KIAA0586: variants seen among roughly 807,000 people sequenced by gnomAD.
KIAA0586 encodes KIAA0586.
Under a neutral mutation model 169.8 loss-of-function variants are expected in KIAA0586, and 144 were observed. That is an observed-to-expected ratio of 0.85 (90% CI 0.74 to 0.97). KIAA0586 has a LOEUF of 0.97. Among genes scored for constraint, KIAA0586 ranks in the 50% least tolerant of loss-of-function variants. The pLI is 0.00. For synonymous variants in KIAA0586, 625 were observed against 612.4 expected, an observed-to-expected ratio of 1.02 and a Z score of -0.30; for missense variants, 1,854 against 1,823.0, an observed-to-expected ratio of 1.02 and a Z score of -0.31.
At chr14:58,458,083 T>A (rs1391315368) in intron 11 of KIAA0586, 104 bp downstream of exon 11, 1 of 741,668 alleles carries the variant, frequency 1.3e-6, no homozygotes. Flanking sequence ...TTCATATTTT[T>A]AAAAGGTTCT....
intron 4 of KIAA0586, chr14:58,440,120 C>T: frequency 2.5e-6 from 1 of 405,268 alleles, no homozygotes; most frequent in South Asian, 1.7e-5. Flanking sequence ...TGGGCTCAAG[C>T]AGTCTTCCTG....
chr14:58,521,146 G>A lies in KIAA0586; in HGVS notation c.4429+8519G>A, dbSNP rs1460648762. The stretch of plus-strand genomic sequence containing the variant: ...GGAGTCTCAGAATCGAATCTCTTCT[G>A]CCTGCTCACTTCTGTGAGATTTTTT... On this transcript the variant is annotated intron_variant, in intron 29 of 30. Transcript: ENST00000652326. The A allele has an allele frequency of 5.4e-6, 3 of 558,618 alleles. No individual in the cohort carries two copies. In the African/African-American group the frequency reaches 5.8e-5, roughly 11 times the overall value. 34.6% of individuals were successfully genotyped at this position (558,618 alleles called of 1,614,324 possible). A position where few individuals can be genotyped will look rare whatever the true frequency, so the allele number is the denominator to read the frequency against.
At chr14:58,478,432 A>G (rs1358227818) in intron 20 of KIAA0586, among the ~76,000 whole-genome samples, 4 of 152,144 alleles carry the variant, frequency 2.6e-5, no homozygotes, top group Non-Finnish European at 5.9e-5. Context: ...GCAGTGAGCC[A>G]AGGTCACGTC....
In KIAA0586 at chr14:58,427,984, T is replaced by A; in HGVS notation, c.-281T>A. Reference sequence around the variant, plus strand: ...CCAGCTCTGGGGTTGGGGAGTGCACTGTTATGGTTATTGTTGCTCCTGTGG... The same window carrying A: ...CCAGCTCTGGGGTTGGGGAGTGCACAGTTATGGTTATTGTTGCTCCTGTGG... On this transcript the variant is annotated 5_prime_UTR_variant, in exon 1 of 31. Coordinates refer to ENST00000652326, the MANE Select transcript of KIAA0586 (RefSeq NM_001329943.3). 1 of 1,421,720 alleles carries A rather than the reference T, an allele frequency of 7.0e-7. No individual in the cohort carries two copies. The highest frequency in any genetic ancestry group is 1.5e-5 in the South Asian group (1 of 64,806). 88.1% of individuals were successfully genotyped at this position (1,421,720 alleles called of 1,614,324 possible). A position where few individuals can be genotyped will look rare whatever the true frequency, so the allele number is the denominator to read the frequency against.
At chr14:58,484,920 A>ATT (rs2042324490) in intron 21 of KIAA0586, among the ~76,000 whole-genome samples, 1 of 22,188 alleles carries the variant, frequency 4.5e-5, no homozygotes, top group Admixed American at 9.0e-4. Flanking sequence ...ATATATATAT[A>ATT]TATATTTTTT....
At chr14:58,480,346 TAAA>T (rs35326005) in intron 20 of KIAA0586, among the ~76,000 whole-genome samples, 443 of 146,236 alleles carry the variant, frequency 3.0e-3, no homozygotes, top group Admixed American at 3.6e-3. Flanking sequence ...CTTCCTCTTT[TAAA>T]AAAAAAAAAA....
intron 21 of KIAA0586, among the ~76,000 whole-genome samples, chr14:58,484,924 A>ATATAT (rs1566877360): frequency 1.5e-4 from 2 of 13,052 alleles, no homozygotes; most frequent in African/African-American, 6.1e-4. Flanking sequence ...ATATATATAT[A>ATATAT]TTTTTTTTTT....
At chr14:58,545,895 A>G (rs2046951924) in intron 30 of KIAA0586, among the ~76,000 whole-genome samples, 1 of 151,986 alleles carries the variant, frequency 6.6e-6, no homozygotes, top group Non-Finnish European at 1.5e-5. Flanking sequence ...TTAGCCAGGC[A>G]TGGTGGTACA....
chr14:58,494,127 T>C (rs1056171211), intron 26 of KIAA0586, among the ~76,000 whole-genome samples: 3 of 151,894 alleles, frequency 2.0e-5, no homozygotes, highest in Admixed American at 6.6e-5. Flanking sequence ...CTTTCATTTT[T>C]CCCCCCTCTC....
chr14:58,487,835 A>T (rs1282011735), intron 22 of KIAA0586, 52 bp from the exon 23 acceptor site: 6 of 1,177,438 alleles, frequency 5.1e-6, no homozygotes, highest in Admixed American at 4.1e-5. Flanking sequence ...CATCCTATGG[A>T]GTTCTTTACT....
intron 29 of KIAA0586, chr14:58,521,418 G>A (rs1456620467): frequency 2.1e-5 from 17 of 801,872 alleles, no homozygotes; most frequent in South Asian, 4.0e-5. Flanking sequence ...TGCCCGGGCC[G>A]CTGTAGGTGG....
At chr14:58,461,655 G>A (rs1243161712) in intron 14 of KIAA0586, among the ~76,000 whole-genome samples, 5 of 152,208 alleles carry the variant, frequency 3.3e-5, no homozygotes, top group African/African-American at 1.2e-4. Context: ...CACAGTGGGT[G>A]ATGATGAATC....
chr14:58,548,066 A>G lies in KIAA0586; in HGVS notation c.*134A>G. ...AAAAATTCCAATATTTTAAAATAAA[A>G]CAAAAAGCATAATTTGGGTATTTAA... On this transcript the variant is annotated 3_prime_UTR_variant, in exon 31 of 31. Coordinates refer to ENST00000652326, the MANE Select transcript of KIAA0586 (RefSeq NM_001329943.3). 1 of 1,067,276 alleles carries G rather than the reference A, an allele frequency of 9.4e-7. No homozygotes were observed. Among genetic ancestry groups the G allele is most frequent in the East Asian group, 2.7e-5 (1 of 37,316 alleles). 66.1% of individuals were successfully genotyped at this position (1,067,276 alleles called of 1,614,324 possible).
chr14:58,484,917 TATATATA>T (rs1371512375), intron 21 of KIAA0586, among the ~76,000 whole-genome samples: 7 of 37,850 alleles, frequency 1.8e-4, no homozygotes, highest in African/African-American at 6.7e-4. Context: ...TATATATATA[TATATATA>T]TTTTTTTTTT....
intron 29 of KIAA0586, among the ~76,000 whole-genome samples, chr14:58,519,668 A>G (rs1434088748): frequency 6.6e-6 from 1 of 152,218 alleles, no homozygotes; most frequent in African/African-American, 2.4e-5. Flanking sequence ...TAATATTCCA[A>G]AGAAAGTGAT....
chr14:58,431,085 G>C (rs2037328756), intron 3 of KIAA0586, among the ~76,000 whole-genome samples: 1 of 152,098 alleles, frequency 6.6e-6, no homozygotes, highest in South Asian at 2.1e-4. Context: ...CTTAAGGGTA[G>C]AATTTATTTT....
At position 58,484,924 on chromosome 14, in the gene KIAA0586, A is replaced by ATTTTT. The variant is rs58851367; in HGVS notation, c.3145-2060_3145-2056dup. Among the ~76,000 whole-genome samples, 11 of 13,052 alleles carry ATTTTT rather than the reference A, an allele frequency of 8.4e-4. 3 individuals are homozygous for ATTTTT. Among genetic ancestry groups the ATTTTT allele is most frequent in the African/African-American group, 1.2e-3 (4 of 3,258 alleles). The allele number at this position is 13,052 out of a possible 152,430, so 8.6% of individuals were successfully genotyped here. ...TATATATATATATATATATATATAT[A>ATTTTT]TTTTTTTTTTTTTTTTTTTTTTTTT... On this transcript the variant is annotated intron_variant, in intron 21 of 30. Coordinates refer to ENST00000652326, the MANE Select transcript of KIAA0586 (RefSeq NM_001329943.3).
At chr14:58,451,779 G>A (rs546242694) in intron 8 of KIAA0586, among the ~76,000 whole-genome samples, 26 of 152,080 alleles carry the variant, frequency 1.7e-4, no homozygotes, top group African/African-American at 6.0e-4. Context: ...CGCCTCCTAG[G>A]TTCAAGCGAT....
chr14:58,485,884 A>T (rs552624726), intron 21 of KIAA0586, among the ~76,000 whole-genome samples: 1 of 152,288 alleles, frequency 6.6e-6, no homozygotes, highest in African/African-American at 2.4e-5. Context: ...ATCACTTAAA[A>T]TGCTTCCTTT....
Sources: allele counts gnomAD v4.1 joint callset (sites outside exome capture counted in the v4.1 genomes callset), GRCh38; gene constraint gnomAD v4.1.1; transcripts MANE v1.5; gene names NCBI Gene and HGNC (gene_info 2026-07-23, HGNC 2026-07-21).